The following TTC4 variants were observed in gnomAD, a reference collection of about 807,000 sequenced individuals.
The protein encoded by TTC4 is tetratricopeptide repeat domain 4.
TTC4 carries 36 observed loss-of-function variants against 51.9 expected under a neutral mutation model. That is an observed-to-expected ratio of 0.69 (90% CI 0.53 to 0.92). TTC4 has a LOEUF of 0.92. TTC4 is among the 40% of genes least tolerant of loss of function. The pLI, the probability that TTC4 is intolerant of heterozygous loss-of-function variation, is 0.00. For synonymous variants in TTC4, 144 were observed against 164.2 expected (o/e 0.88, Z 0.94); for missense variants, 399 against 454.6 (o/e 0.88, Z 1.11).
intron 3 of TTC4, 61 bp downstream of exon 3, chr1:54,717,714 G>GGAGGTTTGAGAACATCA: frequency 7.2e-7 from 1 of 1,396,690 alleles, no homozygotes; most frequent in Non-Finnish European, 9.4e-7. Flanking sequence ...GATGGTTAGT[G>GGAGGTTTGAGAACATCA]GAGGTTTGAG....
chr1:54,721,082 G>A, intron 3 of TTC4, 81 bp from the exon 4 acceptor site: 4 of 1,307,732 alleles, frequency 3.1e-6, no homozygotes, highest in Non-Finnish European at 4.4e-6. Context: ...TTGTACAAGA[G>A]TGTCTTTGTC....
At chr1:54,739,398 C>CTCTCTGGGACTGCCGCCTCA (rs2101373930) in intron 9 of TTC4, among the ~76,000 whole-genome samples, 1 of 152,346 alleles carries the variant, frequency 6.6e-6, no homozygotes, top group East Asian at 1.9e-4. Context: ...CACACGCTGC[C>CTCTCTGGGACTGCCGCCTCA]TCTCTGGGAC....
rs62000412 is a variant in TTC4 at position 54,722,764 on chromosome 1, C to T, written c.559C>T (p.Leu187Phe). The T allele has an allele frequency of 2.4e-3, 3,884 of 1,613,994 alleles. 90 individuals carry two copies. The African/African-American group carries it at 0.046, about 19-fold the overall frequency. ...GLQIDAKEKK[L>F]LEMRAKADKL... ...GCAAATAGATGCCAAAGAGAAGAAG[C>T]TTCTGGAAATGAGGGCTAAAGCAGA... Residue 187 changes from leucine (L) to phenylalanine (F), a missense_variant, in exon 5 of 10, where the codon CTT becomes TTT. Physicochemically the swap from Leu to Phe is conservative, Grantham distance 22. Transcript: ENST00000371281.
Position 54,737,616 on chromosome 1 carries a change from A to G in TTC4, c.1013A>G (p.Tyr338Cys). 17 of 1,613,504 alleles carry G rather than the reference A, an allele frequency of 1.1e-5. No individual in the cohort carries two copies. Among genetic ancestry groups the G allele is most frequent in the Non-Finnish European group, 1.4e-5 (17 of 1,180,018 alleles). Residue 338 changes from tyrosine to cysteine, a missense_variant, in exon 9 of 10, where the codon TAC becomes TGC. By Grantham distance (194) the Tyr-to-Cys change is radical. Around this residue, in one of 3 missense-constraint regions of TTC4, gnomAD observed 64 missense variants for 61.3 expected, o/e 1.04. Coordinates refer to ENST00000371281, the MANE Select transcript of TTC4 (RefSeq NM_004623.5). ...YFEDEDRAEL[Y>C]RVPAKSTLLQ... ...GAGGATGAGGACAGGGCAGAACTAT[A>G]CCGGGTGCCTGCCAAGAGCACCTTG...
chr1:54,731,368 A>G (rs1040804806), intron 6 of TTC4, 118 bp from the exon 7 acceptor site: 1 of 901,226 alleles, frequency 1.1e-6, no homozygotes, highest in Non-Finnish European at 1.6e-6. Context: ...AATAAAAATA[A>G]ATAAAAAATA....
In TTC4 at chr1:54,717,841, A is replaced by G. The variant is rs148958525; in HGVS notation, c.391+188A>G. ...AAAAGAGAAACAGGATGGATTGTGT[A>G]ATTCTTACTGTCTCAACCCAAAAAG... On this transcript the variant is annotated intron_variant, in intron 3 of 9. Transcript: ENST00000371281. 3.3e-4 allele frequency: 164 copies of G among 499,808 alleles called. No homozygotes were observed. The East Asian group carries it at 4.9e-3, about 15-fold the overall frequency. 31.0% of individuals were successfully genotyped at this position (499,808 alleles called of 1,614,324 possible).
At chr1:54,734,873 A>G (rs1238163625) in intron 8 of TTC4, among the ~76,000 whole-genome samples, 1 of 152,216 alleles carries the variant, frequency 6.6e-6, no homozygotes, top group Non-Finnish European at 1.5e-5. Context: ...ATTTTTCTTT[A>G]TAATACCCAT....
chr1:54,726,995 C>G (rs1454307703), intron 5 of TTC4, among the ~76,000 whole-genome samples: 2 of 149,430 alleles, frequency 1.3e-5, no homozygotes, highest in Non-Finnish European at 3.0e-5. Flanking sequence ...AATGGACAGG[C>G]TGATCATAAT....
rs150002956 is a variant in TTC4 at position 54,735,377 on chromosome 1, G to A, written c.978+1667G>A. Among the ~76,000 whole-genome samples the A allele has an allele frequency of 4.0e-3, 607 of 151,946 alleles. 2 individuals are homozygous for A. Among genetic ancestry groups the A allele is most frequent in the Non-Finnish European group, 7.0e-3 (473 of 67,954 alleles). ...GGGATTACAGCTACTCAGATACCACGCCCAGCTAATTTTTTGTATTTTTAA... is the reference window on the plus strand; with the variant it reads ...GGGATTACAGCTACTCAGATACCACACCCAGCTAATTTTTTGTATTTTTAA... On this transcript the variant is annotated intron_variant, in intron 8 of 9. Transcript: ENST00000371281.
intron 7 of TTC4, among the ~76,000 whole-genome samples, chr1:54,732,730 G>A (rs998720492): frequency 5.9e-5 from 9 of 151,702 alleles, no homozygotes; most frequent in African/African-American, 2.2e-4. Context: ...AAAGTGCTGG[G>A]ATTTACAGGC....
chr1:54,730,722 G>C (rs1645855027), intron 6 of TTC4, among the ~76,000 whole-genome samples: 1 of 151,776 alleles, frequency 6.6e-6, no homozygotes, highest in Non-Finnish European at 1.5e-5. Flanking sequence ...CTAGGAGACA[G>C]TCAAGATTAA....
chr1:54,737,295 G>A, intron 8 of TTC4: 1 of 330,220 alleles, frequency 3.0e-6, no homozygotes, highest in Non-Finnish European at 5.7e-6. Flanking sequence ...GGCTACATAG[G>A]CCTGGCCTTG....
chr1:54,719,167 C>T (rs575761356), intron 3 of TTC4, among the ~76,000 whole-genome samples: 1 of 152,178 alleles, frequency 6.6e-6, no homozygotes, highest in Non-Finnish European at 1.5e-5. Flanking sequence ...CCTGGAGGAA[C>T]AGGGGAGGAG....
chr1:54,716,222 A>C, intron 1 of TTC4: 1 of 578,786 alleles, frequency 1.7e-6, no homozygotes. Flanking sequence ...CAGGCCTGTG[A>C]CTCCACCACT....
intron 9 of TTC4, 42 bp downstream of exon 9, chr1:54,737,706 C>A: frequency 1.3e-6 from 2 of 1,579,782 alleles, no homozygotes; most frequent in South Asian, 1.1e-5. Context: ...GGAAGATGCT[C>A]AGTGTATTAG....
Position 54,717,549 on chromosome 1 carries a change from A to G in TTC4, c.287A>G (p.Lys96Arg). Residue 96 changes from lysine to arginine, a missense_variant, in exon 3 of 10, where the codon AAG becomes AGG. By Grantham distance (26) the Lys-to-Arg change is conservative. Coordinates refer to ENST00000371281, the MANE Select transcript of TTC4 (RefSeq NM_004623.5). ...GNDYFKEKDY[K>R]KAVISYTEGL... ...GATTACTTTAAAGAAAAAGACTACA[A>G]GAAAGCTGTAATTTCATACACTGAA... is the stretch of plus-strand genomic sequence containing the variant. 6.2e-7 allele frequency: 1 copy of G among 1,611,572 alleles called. No homozygotes were observed. The highest frequency in any genetic ancestry group is 1.1e-5 in the South Asian group (1 of 90,414).
chr1:54,741,881 A>T lies in TTC4; in HGVS notation c.*368A>T. ...ACTTTTGTGGAGTTTGACACCTTAG[A>T]GAAGCTACCCCTCAAACTGCACATC... On this transcript the variant is annotated 3_prime_UTR_variant, in exon 10 of 10. Coordinates refer to ENST00000371281, the MANE Select transcript of TTC4 (RefSeq NM_004623.5). 1.3e-5 allele frequency: 3 copies of T among 228,174 alleles called. No individual in the cohort carries two copies. The highest frequency in any genetic ancestry group is 1.8e-4 in the South Asian group (2 of 11,248). The allele number at this position is 228,174 out of a possible 1,614,324, so 14.1% of individuals were successfully genotyped here.
chr1:54,717,385 C>A, intron 2 of TTC4, 107 bp from the exon 3 acceptor site: 1 of 1,047,816 alleles, frequency 9.5e-7, no homozygotes, highest in Non-Finnish European at 1.3e-6. Flanking sequence ...CTATTGGTTT[C>A]TTCGCTTTGG....
chr1:54,737,999 CA>C, intron 9 of TTC4, among the ~76,000 whole-genome samples: 1 of 152,216 alleles, frequency 6.6e-6, no homozygotes, highest in East Asian at 1.9e-4. Context: ...CTCCCAGGTT[CA>C]AGCAATTCTC....
Sources: allele counts gnomAD v4.1 joint callset (sites outside exome capture counted in the v4.1 genomes callset), GRCh38; gene constraint gnomAD v4.1.1; regional missense constraint gnomAD v4.1.1; transcripts MANE v1.5; gene names NCBI Gene and HGNC (gene_info 2026-07-23, HGNC 2026-07-21).